Variants in PAWR observed in about 807,000 individuals in gnomAD.
PAWR encodes the protein PRKC apoptosis WT1 regulator protein.
Under a neutral mutation model 32.0 loss-of-function variants are expected in PAWR, and 23 were observed. The observed-to-expected ratio is 0.72, with a 90% CI of 0.52 to 1.02. PAWR has a LOEUF of 1.02. Ranked by LOEUF, PAWR falls within the 50% of genes least tolerant of loss-of-function variation. The pLI is 0.00. For missense variants in PAWR, 457 were observed against 437.7 expected, an observed-to-expected ratio of 1.04 and a Z score of -0.39; for synonymous variants, 226 against 187.1, an observed-to-expected ratio of 1.21 and a Z score of -1.70.
At chr12:79,688,324 G>A (rs1182597004) in intron 2 of PAWR, 2 of 151,832 alleles carry the variant, frequency 1.3e-5, no homozygotes, top group East Asian at 1.9e-4. Flanking sequence ...AAATAAGACC[G>A]CTGTCAGATG....
intron 2 of PAWR, among the ~76,000 whole-genome samples, chr12:79,635,174 A>G (rs1875900235): frequency 6.6e-6 from 1 of 152,136 alleles, no homozygotes; most frequent in Non-Finnish European, 1.5e-5. Context: ...TCCCTGAAAA[A>G]GACTCCCTGT....
intron 2 of PAWR, among the ~76,000 whole-genome samples, chr12:79,652,733 T>G (rs1309201504): frequency 6.6e-6 from 1 of 152,242 alleles, no homozygotes; most frequent in Non-Finnish European, 1.5e-5. Flanking sequence ...TGGGAGGATT[T>G]AAATTAATTT....
chr12:79,616,853 G>A lies in PAWR; in HGVS notation c.649-3244C>T, dbSNP rs868233880. 3.9e-5 allele frequency among the ~76,000 whole-genome samples: 6 copies of A among 151,976 alleles called. No homozygotes were observed. The East Asian group carries it at 7.7e-4, about 20-fold the overall frequency. Reference sequence around the variant, plus strand: ...CTACGTTGGTACGAAAAGTAATTGCGGGTTTGCCATTACAGTCATTCCATG... The same window carrying A: ...CTACGTTGGTACGAAAAGTAATTGCAGGTTTGCCATTACAGTCATTCCATG... On this transcript the variant is annotated intron_variant, in intron 3 of 6. Coordinates refer to ENST00000328827, the MANE Select transcript of PAWR (RefSeq NM_002583.4).
intron 2 of PAWR, among the ~76,000 whole-genome samples, chr12:79,634,446 C>T (rs988533240): frequency 6.6e-6 from 1 of 152,086 alleles, no homozygotes; most frequent in Non-Finnish European, 1.5e-5. Flanking sequence ...TCTCATAATT[C>T]TCACAAAAAT....
At chr12:79,609,319 G>C (rs1028915691) in intron 4 of PAWR, among the ~76,000 whole-genome samples, 9 of 152,184 alleles carry the variant, frequency 5.9e-5, no homozygotes. Flanking sequence ...ATGTGAGAAA[G>C]AAGATATCTG....
At chr12:79,666,413 A>G (rs187010670) in intron 2 of PAWR, among the ~76,000 whole-genome samples, 187 of 152,318 alleles carry the variant, frequency 1.2e-3, no homozygotes, top group African/African-American at 4.2e-3. Flanking sequence ...GCAACCAATA[A>G]TAAAATAGAT....
intron 4 of PAWR, chr12:79,597,117 G>T (rs1873792718): frequency 6.7e-6 from 1 of 149,754 alleles, no homozygotes; most frequent in Admixed American, 6.7e-5. Flanking sequence ...GGAGTGCAGT[G>T]GTGCAATCAC....
At chr12:79,598,414 C>T (rs937249134) in intron 4 of PAWR, among the ~76,000 whole-genome samples, 2 of 152,240 alleles carry the variant, frequency 1.3e-5, no homozygotes, top group Non-Finnish European at 2.9e-5. Flanking sequence ...CAAGCTCGGA[C>T]ATTCATTTTT....
At chr12:79,639,886 C>CTATTCCTATTCCT (rs137876550) in intron 2 of PAWR, among the ~76,000 whole-genome samples, 3 of 79,650 alleles carry the variant, frequency 3.8e-5, no homozygotes, top group Admixed American at 1.3e-4. Context: ...ATTCCTATTC[C>CTATTCCTATTCCT]ATTCCATTCC....
chr12:79,645,898 C>A (rs1876552778), intron 2 of PAWR, among the ~76,000 whole-genome samples: 1 of 152,154 alleles, frequency 6.6e-6, no homozygotes, highest in Non-Finnish European at 1.5e-5. Flanking sequence ...CCAGGATTCA[C>A]AATTAAGAAC....
intron 2 of PAWR, among the ~76,000 whole-genome samples, chr12:79,654,384 T>A (rs143949107): frequency 3.3e-5 from 5 of 151,826 alleles, no homozygotes; most frequent in African/African-American, 1.2e-4. Context: ...AATACAAAGC[T>A]TTGCATCATT....
intron 2 of PAWR, among the ~76,000 whole-genome samples, chr12:79,638,953 C>T (rs1451051979): frequency 1.9e-5 from 2 of 106,166 alleles, no homozygotes; most frequent in Non-Finnish European, 3.6e-5. Context: ...TACTCTGTCG[C>T]CCAGGCTGGA....
intron 2 of PAWR, among the ~76,000 whole-genome samples, chr12:79,683,469 C>T (rs1565706437): frequency 6.6e-6 from 1 of 152,116 alleles, no homozygotes. Context: ...CATCCCTAAC[C>T]CAGACTGGGG....
At chr12:79,659,250 C>T (rs1877237657) in intron 2 of PAWR, among the ~76,000 whole-genome samples, 1 of 151,282 alleles carries the variant, frequency 6.6e-6, no homozygotes, top group African/African-American at 2.4e-5. Flanking sequence ...GCCAAGATGG[C>T]GCCACTGCAC....
rs780785994 is a variant in PAWR, at chr12:79,592,631, T to C, written c.999A>G (p.Lys333=). ...TCTACCTGGTCAGCTGACCCACAAC[T>C]TTCAAAAGAGTTTTATTTTCCTGCT... is the stretch of plus-strand genomic sequence containing the variant. ...QLKQENKTLL[K]VVGQLTR is the part of the protein sequence containing the mutation. Residue 333 remains lysine (K), a synonymous_variant, in exon 7 of 7, where the codon AAA becomes AAG. Transcript: ENST00000328827. 2.3e-5 allele frequency: 18 copies of C among 769,774 alleles called. No homozygotes were observed. In the Admixed American group the frequency reaches 3.2e-4, roughly 14 times the overall value. The allele number at this position is 769,774 out of a possible 1,614,324, so 47.7% of individuals were successfully genotyped here.
At chr12:79,607,988 G>A (rs1373840655) in intron 4 of PAWR, among the ~76,000 whole-genome samples, 1 of 151,252 alleles carries the variant, frequency 6.6e-6, no homozygotes, top group Non-Finnish European at 1.5e-5. Context: ...GGCGGAGGTT[G>A]CAGTGAGCCA....
At chr12:79,593,417 C>G (rs892651250) in intron 6 of PAWR, among the ~76,000 whole-genome samples, 1 of 152,060 alleles carries the variant, frequency 6.6e-6, no homozygotes, top group Non-Finnish European at 1.5e-5. Flanking sequence ...TAATCCTTGT[C>G]CCAAACACAC....
intron 2 of PAWR, among the ~76,000 whole-genome samples, chr12:79,686,271 T>A (rs1449052503): frequency 6.6e-6 from 1 of 152,188 alleles, no homozygotes; most frequent in East Asian, 1.9e-4. Context: ...AGTATGTAAC[T>A]GTCTAGGAAG....
At chr12:79,656,780 T>C (rs1408493413) in intron 2 of PAWR, among the ~76,000 whole-genome samples, 1 of 152,032 alleles carries the variant, frequency 6.6e-6, no homozygotes, top group Non-Finnish European at 1.5e-5. Context: ...TACAAAATAA[T>C]AGTTTTCAGA....
Sources: allele counts gnomAD v4.1 joint callset (sites outside exome capture counted in the v4.1 genomes callset), GRCh38; gene constraint gnomAD v4.1.1; transcripts MANE v1.5; gene names NCBI Gene and HGNC (gene_info 2026-07-23, HGNC 2026-07-21).